The following KALRN variants were observed in gnomAD, a reference collection of about 807,000 sequenced individuals.
KALRN encodes the protein kalirin RhoGEF kinase, also known as kalirin.
Under a neutral mutation model 353.7 loss-of-function variants are expected in KALRN, and 70 were observed. That is an observed-to-expected ratio of 0.20 (90% CI 0.16 to 0.24). The LOEUF (loss-of-function observed/expected upper bound fraction) is 0.24. Among genes scored for constraint, KALRN ranks in the 10% least tolerant of loss-of-function variants. KALRN has a pLI of 1.00. For missense variants in KALRN, 2,791 were observed against 3,756.7 expected (o/e 0.74, Z 6.72); for synonymous variants, 1,391 against 1,434.8 (o/e 0.97, Z 0.69).
rs3057177 is a variant in KALRN, at chr3:124,566,504, C to CA, written c.5182+3430dup. On this transcript the variant is annotated intron_variant, in intron 34 of 59. Transcript: ENST00000682506. ...TGGGTTGCAGAGTGAAACCCTGTCT[C>CA]AAAAAAAAAAAAAAAGGACCTAAGT... Among the ~76,000 whole-genome samples, 950 of 136,280 alleles carry CA rather than the reference C, an allele frequency of 7.0e-3. 3 individuals are homozygous for CA. The highest frequency in any genetic ancestry group is 0.013 in the African/African-American group (503 of 37,434). 89.4% of individuals were successfully genotyped at this position (136,280 alleles called of 152,430 possible). A position where few individuals can be genotyped will look rare whatever the true frequency, so the allele number is the denominator to read the frequency against.
Position 124,391,586 on chromosome 3 carries a change from G to A in KALRN, c.1963-3549G>A, listed in dbSNP as rs117172727. Among the ~76,000 whole-genome samples, 298 of 152,170 alleles carry A rather than the reference G, an allele frequency of 2.0e-3. 7 individuals carry two copies. The East Asian group carries it at 0.053, about 27-fold the overall frequency. ...CATGTTCTTCAGCGCTAAATCGGAG[G>A]GACATACATAGAGGAAACCTTTGGG... On this transcript the variant is annotated intron_variant, in intron 11 of 59. Transcript: ENST00000682506.
intron 1 of KALRN, chr3:124,082,166 G>A: frequency 2.3e-6 from 1 of 433,118 alleles, no homozygotes; most frequent in Non-Finnish European, 4.8e-6. Flanking sequence ...TTCCCGGGCT[G>A]GGGTTTGGCA....
intron 33 of KALRN, among the ~76,000 whole-genome samples, chr3:124,504,029 A>G (rs568674136): frequency 1.3e-5 from 2 of 152,360 alleles, no homozygotes; most frequent in African/African-American, 4.8e-5. Flanking sequence ...TTTGCTGAAC[A>G]CACGCAGCTT....
chr3:124,529,816 C>T lies in KALRN; in HGVS notation c.4936-33027C>T, dbSNP rs2067891705. Reference sequence around the variant, plus strand: ...TGGAAAAAAAAAAAAGCACCAAGGGCCAAGAACAATGAACAAGAGAATAAA... The same window carrying T: ...TGGAAAAAAAAAAAAGCACCAAGGGTCAAGAACAATGAACAAGAGAATAAA... On this transcript the variant is annotated intron_variant, in intron 33 of 59. Transcript: ENST00000682506. Among the ~76,000 whole-genome samples the T allele has an allele frequency of 1.0e-4, 15 of 148,506 alleles. No individual in the cohort carries two copies. In the South Asian group the frequency reaches 3.2e-3, roughly 31 times the overall value.
chr3:124,290,419 C>T (rs768744361), intron 5 of KALRN, among the ~76,000 whole-genome samples: 2 of 151,952 alleles, frequency 1.3e-5, no homozygotes, highest in African/African-American at 2.4e-5. Flanking sequence ...GTAAAAGCAA[C>T]CATATTTTAA....
chr3:124,524,443 T>C (rs1277986133), intron 33 of KALRN, among the ~76,000 whole-genome samples: 2 of 152,192 alleles, frequency 1.3e-5, no homozygotes, highest in Non-Finnish European at 2.9e-5. Flanking sequence ...GAAACTGATA[T>C]ATGTGGGTCA....
chr3:124,454,671 G>T (rs919536023), intron 21 of KALRN, among the ~76,000 whole-genome samples: 8 of 151,066 alleles, frequency 5.3e-5, no homozygotes, highest in Non-Finnish European at 7.4e-5. Context: ...AACTGAAAAT[G>T]TTTTTTTTTC....
intron 16 of KALRN, among the ~76,000 whole-genome samples, chr3:124,431,222 A>T (rs2093259609): frequency 6.6e-6 from 1 of 152,218 alleles, no homozygotes; most frequent in South Asian, 2.1e-4. Flanking sequence ...TAACCCTTAG[A>T]TACTATTGTC....
At chr3:124,172,814 C>T (rs1423640538) in intron 1 of KALRN, among the ~76,000 whole-genome samples, 1 of 152,024 alleles carries the variant, frequency 6.6e-6, no homozygotes, top group Non-Finnish European at 1.5e-5. Context: ...TTTTAATGAC[C>T]CATCTCCTGG....
chr3:124,310,871 G>C (rs1369090793), intron 6 of KALRN, among the ~76,000 whole-genome samples: 5 of 152,004 alleles, frequency 3.3e-5, no homozygotes, highest in South Asian at 2.1e-4. Context: ...TATCTGATAA[G>C]GGAGTTATGT....
chr3:124,287,770 G>GATATAC (rs2076046370), intron 5 of KALRN, among the ~76,000 whole-genome samples: 2 of 114,620 alleles, frequency 1.7e-5, no homozygotes, highest in African/African-American at 7.3e-5. Context: ...GGCCTAGGAA[G>GATATAC]ATATATATAT....
At chr3:124,584,725 G>A in intron 34 of KALRN, 2 of 1,495,492 alleles carry the variant, frequency 1.3e-6, no homozygotes, top group Non-Finnish European at 1.8e-6. Flanking sequence ...GGCGGGAGCC[G>A]GCTCTCGGGC....
At chr3:124,362,786 A>C (rs2084199274) in intron 10 of KALRN, among the ~76,000 whole-genome samples, 1 of 152,254 alleles carries the variant, frequency 6.6e-6, no homozygotes, top group South Asian at 2.1e-4. Flanking sequence ...TGGGAACTCC[A>C]AATCCATATG....
At chr3:124,158,502 A>G (rs1560106703) in intron 1 of KALRN, among the ~76,000 whole-genome samples, 1 of 152,224 alleles carries the variant, frequency 6.6e-6, no homozygotes, top group East Asian at 1.9e-4. Flanking sequence ...ATTGTCCCCA[A>G]GAGGCATTCA....
chr3:124,645,654 C>CG (rs1559756643), intron 37 of KALRN, among the ~76,000 whole-genome samples: 97 of 135,684 alleles, frequency 7.1e-4, no homozygotes, highest in African/African-American at 2.5e-3. Flanking sequence ...CTCTCTCTCT[C>CG]TCTCTGTGCG....
At position 124,269,068 on chromosome 3, in the gene KALRN, G is replaced by A. The variant is rs2073876095; in HGVS notation, c.782G>A (p.Ser261Asn). ...CGGCTGCTGCAGTGCATCCGCTGCA[G>A]CGACGGCTTCTCAGGACGCAACTGC... ...GQRLLQCIRCSDGFSGRNCIP... is the reference protein window; with the variant it reads ...GQRLLQCIRCNDGFSGRNCIP... The change falls in exon 5 of 60, where the codon AGC becomes AAC. Residue 261 changes from serine (S) to asparagine (N), a missense_variant. Transcript: ENST00000682506. The A allele has an allele frequency of 1.2e-6, 2 of 1,612,480 alleles. No homozygotes were observed. The highest frequency in any genetic ancestry group is 1.1e-5 in the South Asian group (1 of 91,000).
At chr3:124,430,171 C>T (rs951023478) in intron 15 of KALRN, among the ~76,000 whole-genome samples, 4 of 152,048 alleles carry the variant, frequency 2.6e-5, no homozygotes, top group Non-Finnish European at 4.4e-5. Context: ...AATACCATAA[C>T]GGTGGTACAT....
In KALRN at chr3:124,451,613, C is replaced by A. The variant is rs565815657; in HGVS notation, c.3553-3564C>A. On this transcript the variant is annotated intron_variant, in intron 21 of 59. Coordinates refer to ENST00000682506, the MANE Select transcript of KALRN (RefSeq NM_001388419.1). ...GAGTTTCAAGTGGGCTTAGGTTGAA[C>A]GAGAAAAGATATGTATGGCCACGTG... Among the ~76,000 whole-genome samples, 934 of 152,172 alleles carry A rather than the reference C, an allele frequency of 6.1e-3. 10 individuals are homozygous for A. Among genetic ancestry groups the A allele is most frequent in the South Asian group, 0.025 (122 of 4,816 alleles).
Position 124,033,823 on chromosome 3 carries a change from G to C in KALRN, c.73+10G>C, listed in dbSNP as rs554790427. Among the ~76,000 whole-genome samples the C allele has an allele frequency of 6.6e-6, 1 of 152,208 alleles. No homozygotes were observed. Among genetic ancestry groups the C allele is most frequent in the African/African-American group, 2.4e-5 (1 of 41,464 alleles). On this transcript the variant is annotated intron_variant, in intron 1 of 59. Coordinates refer to ENST00000682506, the MANE Select transcript of KALRN (RefSeq NM_001388419.1). The surrounding 1 kb of genome is among the most constrained non-coding windows in gnomAD (Gnocchi z 6.2). Reference sequence around the variant, plus strand: ...GCCTTTTTCCGGACAGGTAAGCCGGGCAGGGCGCGGGGGGCCAGGGCTGAA... The same window carrying C: ...GCCTTTTTCCGGACAGGTAAGCCGGCCAGGGCGCGGGGGGCCAGGGCTGAA...
Sources: gnomAD v4.1 joint callset for allele counts (sites outside exome capture counted in the v4.1 genomes callset) on GRCh38, gnomAD v4.1.1 for gene constraint, Gnocchi (gnomAD v3.1) non-coding constraint, MANE v1.5 for transcripts, NCBI Gene and HGNC (gene_info 2026-07-23, HGNC 2026-07-21) for gene names.